The following DBNDD1 variants were observed in gnomAD, a reference collection of about 807,000 sequenced individuals.
The protein encoded by DBNDD1 is dysbindin domain-containing protein 1.
In DBNDD1, 14 loss-of-function variants were observed where a neutral mutation model predicts 17.0. The ratio of observed to expected loss-of-function variants is 0.82; its 90% CI spans 0.54 to 1.29. The LOEUF (loss-of-function observed/expected upper bound fraction) is 1.29, where lower values mean the gene tolerates loss of function less well. Among genes scored for constraint, DBNDD1 ranks in the 50% most tolerant of loss-of-function variants. The probability of loss-of-function intolerance (pLI) is 0.00; values close to 1 mark genes in which losing one functional copy is unlikely to be tolerated. For synonymous variants in DBNDD1, 105 were observed against 102.0 expected, an observed-to-expected ratio of 1.03 and a Z score of -0.18; for missense variants, 221 against 216.2, an observed-to-expected ratio of 1.02 and a Z score of -0.14.
chr16:90,009,252 A>G (rs765972701), intron 2 of DBNDD1, 32 bp downstream of exon 2: 1 of 1,610,176 alleles, frequency 6.2e-7, no homozygotes, highest in East Asian at 2.2e-5. Context: ...CGGGGTCCCC[A>G]TAGCGTGCGC....
intron 1 of DBNDD1, among the ~76,000 whole-genome samples, chr16:90,015,840 TG>T (rs975313811): frequency 4.7e-5 from 7 of 148,896 alleles, no homozygotes; most frequent in South Asian, 2.2e-4. Context: ...CGTCAGAGGC[TG>T]GGGGGTGGGC....
chr16:90,014,715 A>G (rs902650074), intron 1 of DBNDD1, among the ~76,000 whole-genome samples: 1 of 152,116 alleles, frequency 6.6e-6, no homozygotes, highest in African/African-American at 2.4e-5. Flanking sequence ...CTTAAGAAGT[A>G]TCCTTTCGGC....
At chr16:90,016,882 G>A (rs1347852545) in intron 1 of DBNDD1, among the ~76,000 whole-genome samples, 1 of 152,236 alleles carries the variant, frequency 6.6e-6, no homozygotes, top group African/African-American at 2.4e-5. Flanking sequence ...TGGCTGGAAG[G>A]AGAGATGGTC....
At chr16:90,012,128 G>A (rs983290301) in intron 1 of DBNDD1, among the ~76,000 whole-genome samples, 2 of 152,226 alleles carry the variant, frequency 1.3e-5, no homozygotes, top group African/African-American at 4.8e-5. Flanking sequence ...GGGTGCTGCA[G>A]CCGGCCCTGA....
At chr16:90,009,990 C>G (rs2035519889) in intron 1 of DBNDD1, 1 of 1,614,192 alleles carries the variant, frequency 6.2e-7, no homozygotes, top group Non-Finnish European at 8.5e-7. Flanking sequence ...ATTCTGTGAT[C>G]CCTTAGCCAC....
intron 1 of DBNDD1, among the ~76,000 whole-genome samples, chr16:90,013,261 T>TAAAAAAAAAAAAAAAAAAAAAAAA (rs1567835111): frequency 4.5e-4 from 2 of 4,494 alleles, no homozygotes; most frequent in Non-Finnish European, 9.7e-4. Context: ...AAACCTTGCC[T>TAAAAAAAAAAAAAAAAAAAAAAAA]TAAAAAAAAA....
At chr16:90,007,693 C>G (rs2035455195) in intron 3 of DBNDD1, 2 of 152,314 alleles carry the variant, frequency 1.3e-5, no homozygotes, top group South Asian at 4.1e-4. Flanking sequence ...GATGAAAATT[C>G]ACATTCATTA....
intron 1 of DBNDD1, among the ~76,000 whole-genome samples, chr16:90,014,190 G>A (rs928804893): frequency 6.6e-5 from 10 of 151,636 alleles, no homozygotes; most frequent in South Asian, 2.1e-4. Context: ...GCAATGGCGC[G>A]ATCTCTGCTC....
chr16:90,009,975 C>T lies in DBNDD1; in HGVS notation c.32-545G>A, dbSNP rs1319305420. On this transcript the variant is annotated intron_variant, in intron 1 of 3. Transcript: ENST00000002501. ...TACAAACCAGGAGGAATAGGCAGGC[C>T]TGCCATTCTGTGATCCCTTAGCCAC... 11 of 1,614,036 alleles carry T rather than the reference C, an allele frequency of 6.8e-6. No individual in the cohort carries two copies. The highest frequency in any genetic ancestry group is 2.2e-5 in the East Asian group (1 of 44,902).
rs1254798945 is a variant in DBNDD1 at position 90,008,765 on chromosome 16, G to T, written c.319+19C>A. Reference sequence around the variant, plus strand: ...CCCACCAGGCACACCTCCCAGCCCAGCCCTGATGCCGGCCTCACCTGCTGG... The same window carrying T: ...CCCACCAGGCACACCTCCCAGCCCATCCCTGATGCCGGCCTCACCTGCTGG... On this transcript the variant is annotated intron_variant, in intron 3 of 3. Coordinates refer to ENST00000002501, the MANE Select transcript of DBNDD1 (RefSeq NM_001042610.3). 3 of 1,585,856 alleles carry T rather than the reference G, an allele frequency of 1.9e-6. No homozygotes were observed. Among genetic ancestry groups the T allele is most frequent in the Non-Finnish European group, 1.7e-6 (2 of 1,162,826 alleles).
intron 3 of DBNDD1, among the ~76,000 whole-genome samples, chr16:90,008,015 A>C (rs1391204356): frequency 3.9e-5 from 4 of 103,274 alleles, no homozygotes; most frequent in African/African-American, 7.1e-5. Flanking sequence ...CACCCCCCAA[A>C]CACACCTCCC....
intron 3 of DBNDD1, chr16:90,006,706 G>A (rs2035434967): frequency 1.6e-6 from 1 of 643,230 alleles, no homozygotes; most frequent in African/African-American, 1.8e-5. Context: ...TGGGGCCTGG[G>A]CAGGGTCTTT....
intron 1 of DBNDD1, among the ~76,000 whole-genome samples, chr16:90,013,182 C>T (rs553195659): frequency 4.3e-4 from 62 of 143,176 alleles, no homozygotes; most frequent in African/African-American, 1.4e-3. Flanking sequence ...GCAGGAGGTC[C>T]GCCTGAAACC....
chr16:90,009,019 C>T (rs2035498050), intron 2 of DBNDD1, 95 bp from the exon 3 acceptor site: 1 of 1,432,146 alleles, frequency 7.0e-7, no homozygotes, highest in Non-Finnish European at 9.2e-7. Flanking sequence ...TGTCCTCCCA[C>T]AAGGCTGTGG....
At chr16:90,011,224 G>T (rs2035549290) in intron 1 of DBNDD1, among the ~76,000 whole-genome samples, 1 of 152,224 alleles carries the variant, frequency 6.6e-6, no homozygotes, top group South Asian at 2.1e-4. Flanking sequence ...TTGCTGAGGG[G>T]GCTGCAGCTG....
intron 1 of DBNDD1, among the ~76,000 whole-genome samples, chr16:90,011,369 A>G (rs2035552351): frequency 6.6e-6 from 1 of 152,200 alleles, no homozygotes; most frequent in African/African-American, 2.4e-5. Flanking sequence ...CAGCAGAGCC[A>G]AGGGAGCTGA....
chr16:90,016,453 C>T (rs931718565), intron 1 of DBNDD1, among the ~76,000 whole-genome samples: 28 of 152,170 alleles, frequency 1.8e-4, no homozygotes, highest in African/African-American at 6.3e-4. Context: ...TCTCCAGGGC[C>T]AGGGCAGAGG....
At chr16:90,006,650 C>T (rs556756783) in intron 3 of DBNDD1, 158 bp from the exon 4 acceptor site, 4 of 953,436 alleles carry the variant, frequency 4.2e-6, no homozygotes, top group Middle Eastern at 3.3e-4. Context: ...CGGGAGGCCC[C>T]CACCACACAC....
chr16:90,017,910 G>A (rs1246198835), intron 1 of DBNDD1, among the ~76,000 whole-genome samples: 1 of 152,240 alleles, frequency 6.6e-6, no homozygotes, highest in Non-Finnish European at 1.5e-5. Flanking sequence ...ATTGAGTCAG[G>A]TGTCTGAAGC....
Sources: gnomAD v4.1 joint callset for allele counts (sites outside exome capture counted in the v4.1 genomes callset) on GRCh38, gnomAD v4.1.1 for gene constraint, MANE v1.5 for transcripts, NCBI Gene and HGNC (gene_info 2026-07-23, HGNC 2026-07-21) for gene names.